SNTG2: variants seen among roughly 807,000 people sequenced by gnomAD.
SNTG2 encodes the protein syntrophin gamma 2.
In SNTG2, 74 loss-of-function variants were observed where a neutral mutation model predicts 70.9. The ratio of observed to expected loss-of-function variants is 1.04; its 90% CI spans 0.86 to 1.27. The LOEUF (loss-of-function observed/expected upper bound fraction) is 1.27, where lower values mean the gene tolerates loss of function less well. Ranked by LOEUF, SNTG2 falls within the 50% of genes most tolerant of loss-of-function variation. The pLI is 0.00. For missense variants in SNTG2, 717 were observed against 690.7 expected (o/e 1.04, Z -0.43); for synonymous variants, 278 against 273.8 (o/e 1.02, Z -0.15).
At chr2:1,239,675 A>G (rs58094864) in intron 10 of SNTG2, 63 bp from the exon 11 acceptor site, 210,507 of 1,575,252 alleles carry the variant, frequency 0.13, 19,433 homozygotes, top group African/African-American at 0.42. Context: ...TCCAGCTGTC[A>G]CTCAGGTGAG....
chr2:1,046,498 C>G (rs970328956), intron 1 of SNTG2, among the ~76,000 whole-genome samples: 2 of 152,090 alleles, frequency 1.3e-5, no homozygotes, highest in African/African-American at 4.8e-5. Context: ...CAGTAACAAC[C>G]TTTTGTTTCC....
chr2:1,134,687 G>A (rs1031242661), intron 4 of SNTG2, among the ~76,000 whole-genome samples: 1 of 152,214 alleles, frequency 6.6e-6, no homozygotes, highest in African/African-American at 2.4e-5. Context: ...CACCGGGGCT[G>A]CAGGTGGAGC....
rs180974165 is a variant in SNTG2 at position 1,072,626 on chromosome 2, C to T, written c.73-10892C>T. On this transcript the variant is annotated intron_variant, in intron 1 of 16. Transcript: ENST00000308624. ...CAGGGAGATTGAGGCTGATTTCATG[C>T]CTGTTAATATAACATCCACTCTGCA... is the stretch of plus-strand genomic sequence containing the variant. Among the ~76,000 whole-genome samples, 641 of 152,246 alleles carry T rather than the reference C, an allele frequency of 4.2e-3. 3 individuals carry two copies. The highest frequency in any genetic ancestry group is 4.7e-3 in the Non-Finnish European group (323 of 68,020).
Position 1,228,945 on chromosome 2 carries a change from C to T in SNTG2, c.720-8943C>T, listed in dbSNP as rs150835986. Among the ~76,000 whole-genome samples the T allele has an allele frequency of 7.2e-4, 109 of 152,196 alleles. 1 individual carries two copies. In the East Asian group the frequency reaches 0.018, roughly 25 times the overall value. On this transcript the variant is annotated intron_variant, in intron 9 of 16. Transcript: ENST00000308624. ...CTGCAGACCTTCGCGGTGAGTGTTA[C>T]AGCTCTTAAGGCGGTGCGTCTGGAG...
At chr2:1,205,546 A>G (rs1194069126) in intron 8 of SNTG2, among the ~76,000 whole-genome samples, 1 of 152,128 alleles carries the variant, frequency 6.6e-6, no homozygotes, top group Non-Finnish European at 1.5e-5. Flanking sequence ...TAACCTCACA[A>G]GTTCCTTCTT....
chr2:960,363 C>T (rs1018978568), intron 1 of SNTG2, among the ~76,000 whole-genome samples: 1 of 152,362 alleles, frequency 6.6e-6, no homozygotes, highest in South Asian at 2.1e-4. Context: ...CCTTTGTTCT[C>T]TCCTTTGTTG....
intron 12 of SNTG2, among the ~76,000 whole-genome samples, chr2:1,250,599 T>C (rs149620567): frequency 6.6e-6 from 1 of 152,066 alleles, no homozygotes; most frequent in African/African-American, 2.4e-5. Flanking sequence ...TCTCTCTCTG[T>C]CTGACTCTAT....
intron 6 of SNTG2, among the ~76,000 whole-genome samples, chr2:1,149,587 A>G (rs962656203): frequency 2.0e-5 from 3 of 152,020 alleles, no homozygotes; most frequent in Non-Finnish European, 4.4e-5. Flanking sequence ...AGTGGTTTGG[A>G]AAAATCTATC....
At chr2:1,250,468 ACTCT>A (rs748515720) in intron 12 of SNTG2, among the ~76,000 whole-genome samples, 1 of 139,732 alleles carries the variant, frequency 7.2e-6, no homozygotes, top group African/African-American at 2.7e-5. Context: ...TCTCTGTCTG[ACTCT>A]CTCTGTGTCT....
chr2:1,129,345 C>T (rs1488599826), intron 4 of SNTG2, among the ~76,000 whole-genome samples: 1 of 152,230 alleles, frequency 6.6e-6, no homozygotes, highest in African/African-American at 2.4e-5. Flanking sequence ...GTCCTGCAAA[C>T]ATGCTTTTGA....
intron 12 of SNTG2, among the ~76,000 whole-genome samples, chr2:1,250,417 C>A (rs1677682721): frequency 6.6e-6 from 1 of 151,996 alleles, no homozygotes; most frequent in African/African-American, 2.4e-5. Flanking sequence ...ATATCTCTTT[C>A]TATCCCTCTC....
At chr2:1,351,849 G>C (rs1660599169) in intron 16 of SNTG2, among the ~76,000 whole-genome samples, 1 of 152,138 alleles carries the variant, frequency 6.6e-6, no homozygotes, top group Non-Finnish European at 1.5e-5. Context: ...AGCCCACGAG[G>C]CGCTTTCCTC....
intron 4 of SNTG2, among the ~76,000 whole-genome samples, chr2:1,135,018 A>G (rs1239177683): frequency 6.6e-6 from 1 of 152,172 alleles, no homozygotes; most frequent in African/African-American, 2.4e-5. Flanking sequence ...TCGTCATCTC[A>G]TTAAACCCCA....
At chr2:1,262,526 A>C (rs116765403) in intron 13 of SNTG2, among the ~76,000 whole-genome samples, 1,578 of 152,342 alleles carry the variant, frequency 0.01, 29 homozygotes, top group African/African-American at 0.036. Context: ...TTCTAAAGCA[A>C]ATGCTCTAAA....
intron 1 of SNTG2, among the ~76,000 whole-genome samples, chr2:1,047,515 ATTTGTG>A (rs1661807399): frequency 6.6e-6 from 1 of 152,126 alleles, no homozygotes; most frequent in African/African-American, 2.4e-5. Context: ...GTGTGGTGTA[ATTTGTG>A]TACAGTCAGT....
chr2:1,054,171 G>A (rs1258923091), intron 1 of SNTG2, among the ~76,000 whole-genome samples: 1 of 152,108 alleles, frequency 6.6e-6, no homozygotes, highest in Non-Finnish European at 1.5e-5. Flanking sequence ...TGAACCTTTG[G>A]TTGTTTCCCG....
intron 16 of SNTG2, among the ~76,000 whole-genome samples, chr2:1,365,536 A>ACG (rs1661431366): frequency 2.0e-5 from 3 of 151,910 alleles, no homozygotes; most frequent in East Asian, 3.9e-4. Flanking sequence ...GTATCCCTGC[A>ACG]TGGGGTGTTC....
At chr2:1,139,156 C>T (rs1310348119) in intron 6 of SNTG2, among the ~76,000 whole-genome samples, 1 of 152,204 alleles carries the variant, frequency 6.6e-6, no homozygotes, top group African/African-American at 2.4e-5. Flanking sequence ...GCAAGACACA[C>T]CTTCATGACT....
At chr2:1,068,735 C>T (rs1040536026) in intron 1 of SNTG2, among the ~76,000 whole-genome samples, 4 of 152,170 alleles carry the variant, frequency 2.6e-5, no homozygotes, top group African/African-American at 9.7e-5. Context: ...AAACACATAG[C>T]ACAGAAGTTT....
Sources: gnomAD v4.1 joint callset for allele counts (sites outside exome capture counted in the v4.1 genomes callset) on GRCh38, gnomAD v4.1.1 for gene constraint, MANE v1.5 for transcripts, NCBI Gene and HGNC (gene_info 2026-07-23, HGNC 2026-07-21) for gene names.